Variants in BBS9 observed in about 807,000 individuals in gnomAD.
The protein encoded by BBS9 is protein PTHB1.
Under a neutral mutation model 117.7 loss-of-function variants are expected in BBS9, and 89 were observed. That is an observed-to-expected ratio of 0.76 (90% CI 0.64 to 0.90). The LOEUF is 0.90. Among genes scored for constraint, BBS9 ranks in the 40% least tolerant of loss-of-function variants. The probability of loss-of-function intolerance (pLI) is 0.00; values close to 1 mark genes in which losing one functional copy is unlikely to be tolerated. For synonymous variants in BBS9, 379 were observed against 370.9 expected (o/e 1.02, Z -0.25); for missense variants, 982 against 1,042.2 (o/e 0.94, Z 0.80).
chr7:33,361,820 G>A (rs1820675710), intron 16 of BBS9, among the ~76,000 whole-genome samples: 1 of 151,810 alleles, frequency 6.6e-6, no homozygotes, highest in South Asian at 2.1e-4. Context: ...TATTTTTTCT[G>A]GTACATTTTT....
At chr7:33,264,897 A>G (rs149511179) in intron 7 of BBS9, among the ~76,000 whole-genome samples, 1 of 152,296 alleles carries the variant, frequency 6.6e-6, no homozygotes, top group East Asian at 1.9e-4. Context: ...ATATTTTGTA[A>G]CTAGTAGGCA....
Position 33,273,205 on chromosome 7 carries a change from A to G in BBS9, c.886+10A>G, listed in dbSNP as rs1800141122. ...CTGCCATATTGCTCAGGTGTGTAGAAAGATTTTCTTTTATCTCTTCCATAT... is the reference window on the plus strand; with the variant it reads ...CTGCCATATTGCTCAGGTGTGTAGAGAGATTTTCTTTTATCTCTTCCATAT... On this transcript the variant is annotated intron_variant, in intron 8 of 22. Coordinates refer to ENST00000242067, the MANE Select transcript of BBS9 (RefSeq NM_198428.3). 6.2e-7 allele frequency: 1 copy of G among 1,613,376 alleles called. No homozygotes were observed. The highest frequency in any genetic ancestry group is 1.3e-5 in the African/African-American group (1 of 74,892).
rs191671943 is a variant in BBS9, at chr7:33,232,529, T to A, written c.443-24707T>A. Reference sequence around the variant, plus strand: ...ATTTTAAACAGTTCTTCATTTTTTTTAAGAAAATAAAGATGCTAGAGCTCA... The same window carrying A: ...ATTTTAAACAGTTCTTCATTTTTTTAAAGAAAATAAAGATGCTAGAGCTCA... On this transcript the variant is annotated intron_variant, in intron 5 of 22. Transcript: ENST00000242067. Among the ~76,000 whole-genome samples, 11 of 152,216 alleles carry A rather than the reference T, an allele frequency of 7.2e-5. No homozygotes were observed. The East Asian group carries it at 1.5e-3, about 21-fold the overall frequency.
At chr7:33,269,977 A>G (rs1799502069) in intron 7 of BBS9, among the ~76,000 whole-genome samples, 2 of 148,714 alleles carry the variant, frequency 1.3e-5, no homozygotes, top group Non-Finnish European at 3.0e-5. Flanking sequence ...GAGCTGAGAT[A>G]GCTTCACTGC....
intron 19 of BBS9, among the ~76,000 whole-genome samples, chr7:33,427,536 C>T (rs1297532410): frequency 2.0e-5 from 3 of 152,138 alleles, no homozygotes; most frequent in Non-Finnish European, 4.4e-5. Context: ...TGTTTTGCTA[C>T]TGTTCTTTTC....
At chr7:33,394,148 T>C (rs1335977549) in intron 19 of BBS9, among the ~76,000 whole-genome samples, 1 of 152,126 alleles carries the variant, frequency 6.6e-6, no homozygotes, top group Non-Finnish European at 1.5e-5. Flanking sequence ...GGGGAAGGAT[T>C]TGGCCTCTAG....
intron 21 of BBS9, among the ~76,000 whole-genome samples, chr7:33,558,721 C>A (rs771146136): frequency 6.6e-6 from 1 of 151,932 alleles, no homozygotes; most frequent in East Asian, 1.9e-4. Flanking sequence ...AGCAGAAGCC[C>A]GCAGCATGTT....
chr7:33,464,318 T>C (rs1473947373), intron 19 of BBS9, among the ~76,000 whole-genome samples: 1 of 152,058 alleles, frequency 6.6e-6, no homozygotes, highest in African/African-American at 2.4e-5. Flanking sequence ...GATCAGAAGA[T>C]TTGGGATTTC....
At chr7:33,624,575 C>T (rs1021406953) in intron 21 of BBS9, among the ~76,000 whole-genome samples, 1 of 152,160 alleles carries the variant, frequency 6.6e-6, no homozygotes, top group Admixed American at 6.5e-5. Flanking sequence ...TTTGCTTCAC[C>T]AGGTGGTGTT....
At chr7:33,308,142 C>T (rs1469234883) in intron 9 of BBS9, among the ~76,000 whole-genome samples, 1 of 152,106 alleles carries the variant, frequency 6.6e-6, no homozygotes, top group African/African-American at 2.4e-5. Context: ...GTTTGATATT[C>T]TCAGAGGCTC....
intron 5 of BBS9, among the ~76,000 whole-genome samples, chr7:33,254,857 C>T (rs957160399): frequency 2.0e-5 from 3 of 151,962 alleles, no homozygotes; most frequent in Non-Finnish European, 2.9e-5. Context: ...TTTTTTCTAA[C>T]ATGTGAGGTG....
At position 33,152,765 on chromosome 7, in the gene BBS9, A is replaced by G; in HGVS notation, c.177A>G (p.Thr59=). ...TCTTTAGCCCCCATCCTGCAAAAAC[A>G]GGAGATGGAGCTCAAGCCGAAGATT... is the stretch of plus-strand genomic sequence containing the variant. ...LRIFSPHPAK[T]GDGAQAEDLL... The change falls in exon 3 of 23, where the codon ACA becomes ACG. Residue 59 remains threonine, a synonymous_variant. Coordinates refer to ENST00000242067, the MANE Select transcript of BBS9 (RefSeq NM_198428.3). 6 of 1,613,746 alleles carry G rather than the reference A, an allele frequency of 3.7e-6. No individual in the cohort carries two copies. Among genetic ancestry groups the G allele is most frequent in the Non-Finnish European group, 5.1e-6 (6 of 1,179,862 alleles).
At chr7:33,481,480 T>G (rs1294386397) in intron 19 of BBS9, among the ~76,000 whole-genome samples, 2 of 152,100 alleles carry the variant, frequency 1.3e-5, no homozygotes, top group East Asian at 3.9e-4. Context: ...AATTAAATTA[T>G]GTAATATGAT....
intron 20 of BBS9, among the ~76,000 whole-genome samples, chr7:33,517,943 G>A (rs1033467885): frequency 3.3e-5 from 5 of 152,224 alleles, no homozygotes; most frequent in Non-Finnish European, 5.9e-5. Flanking sequence ...GTGCTTAAGC[G>A]TATACCAGAA....
intron 6 of BBS9, among the ~76,000 whole-genome samples, 171 bp downstream of exon 6, chr7:33,257,581 A>G (rs537181356): frequency 1.3e-5 from 2 of 152,278 alleles, no homozygotes; most frequent in East Asian, 3.9e-4. Flanking sequence ...AAAATATTTG[A>G]AAGGCAATAT....
Position 33,414,958 on chromosome 7 carries a change from C to G in BBS9, c.2115+26814C>G, listed in dbSNP as rs188906302. ...CACATTTTTTTAAAAATTGAAATCA[C>G]AACTTCAAATTGAAGCCTAATACCT... On this transcript the variant is annotated intron_variant, in intron 19 of 22. Transcript: ENST00000242067. Among the ~76,000 whole-genome samples, 846 of 152,152 alleles carry G rather than the reference C, an allele frequency of 5.6e-3. 4 individuals are homozygous for G. The highest frequency in any genetic ancestry group is 9.0e-3 in the Non-Finnish European group (609 of 67,988).
intron 5 of BBS9, among the ~76,000 whole-genome samples, chr7:33,194,403 A>T (rs896303456): frequency 2.0e-5 from 3 of 152,184 alleles, no homozygotes; most frequent in African/African-American, 7.2e-5. Context: ...ACCATATTTT[A>T]AAGATTGTGG....
At chr7:33,219,299 G>T (rs539077996) in intron 5 of BBS9, among the ~76,000 whole-genome samples, 1 of 152,288 alleles carries the variant, frequency 6.6e-6, no homozygotes, top group East Asian at 1.9e-4. Flanking sequence ...TCCCCGGTGA[G>T]CGCCGCCCCG....
At chr7:33,300,847 T>C (rs905753559) in intron 9 of BBS9, among the ~76,000 whole-genome samples, 2 of 152,180 alleles carry the variant, frequency 1.3e-5, no homozygotes, top group African/African-American at 4.8e-5. Context: ...TCTTTTTGTA[T>C]GGGTCTACTG....
Sources: allele counts gnomAD v4.1 joint callset (sites outside exome capture counted in the v4.1 genomes callset), GRCh38; gene constraint gnomAD v4.1.1; transcripts MANE v1.5; gene names NCBI Gene and HGNC (gene_info 2026-07-23, HGNC 2026-07-21).